CDH11: variants seen among roughly 807,000 people sequenced by gnomAD.
The protein encoded by CDH11 is cadherin-11.
A neutral mutation model predicts 67.8 loss-of-function variants in CDH11; 11 were observed. The ratio of observed to expected loss-of-function variants is 0.16; its 90% CI spans 0.10 to 0.27. The LOEUF (loss-of-function observed/expected upper bound fraction) is 0.27. CDH11 is among the 10% of genes least tolerant of loss of function. The pLI is 1.00. For synonymous variants in CDH11, 419 were observed against 400.0 expected, an observed-to-expected ratio of 1.05 and a Z score of -0.57; for missense variants, 847 against 1,031.2, an observed-to-expected ratio of 0.82 and a Z score of 2.45.
intron 1 of CDH11, among the ~76,000 whole-genome samples, chr16:65,113,570 G>C (rs754955771): frequency 5.3e-5 from 8 of 152,180 alleles, no homozygotes; most frequent in Non-Finnish European, 8.8e-5. Context: ...TGGTTAGACT[G>C]TCTGCAATAG....
rs200876078 is a variant in CDH11 at position 64,998,602 on chromosome 16, G to A, written c.483C>T (p.His161=). The A allele has an allele frequency of 1.0e-4, 167 of 1,614,076 alleles. No individual in the cohort carries two copies. Among genetic ancestry groups the A allele is most frequent in the South Asian group, 3.4e-4 (31 of 91,068 alleles). ...CAGGCACGTTGGCATGATAGGTCTC[G>A]TGCAGGAACTCCGGAGGGTTGTCAT... is the stretch of plus-strand genomic sequence containing the variant. ...DINDNPPEFL[H]ETYHANVPER... Residue 161 remains histidine (H), a synonymous_variant, in exon 4 of 13, where the codon CAC becomes CAT. Coordinates refer to ENST00000268603, the MANE Select transcript of CDH11 (RefSeq NM_001797.4).
intron 1 of CDH11, among the ~76,000 whole-genome samples, chr16:65,085,193 G>A (rs984340105): frequency 2.6e-5 from 4 of 152,194 alleles, no homozygotes; most frequent in Non-Finnish European, 4.4e-5. Context: ...TTACAGGCAT[G>A]AGCCACCACA....
At chr16:64,964,492 G>A (rs2071755969) in intron 11 of CDH11, among the ~76,000 whole-genome samples, 1 of 152,280 alleles carries the variant, frequency 6.6e-6, no homozygotes, top group East Asian at 1.9e-4. Context: ...CTGAGTGAGT[G>A]AATGTGAAGG....
At chr16:65,050,401 A>G (rs6498970) in intron 2 of CDH11, among the ~76,000 whole-genome samples, 137,009 of 152,184 alleles carry the variant, frequency 0.9, 61,749 homozygotes, top group East Asian at 1. Flanking sequence ...TTACCTGACC[A>G]TAAACTCCTT....
intron 2 of CDH11, among the ~76,000 whole-genome samples, chr16:65,047,853 G>T (rs1295700933): frequency 9.9e-5 from 15 of 152,042 alleles, no homozygotes; most frequent in Admixed American, 9.8e-4. Context: ...CCCTACTCAT[G>T]ATCAAGTCTA....
intron 8 of CDH11, among the ~76,000 whole-genome samples, chr16:64,980,698 C>A (rs938360088): frequency 2.6e-5 from 4 of 152,056 alleles, no homozygotes; most frequent in Admixed American, 6.6e-5. Context: ...CAACAGGGAA[C>A]CATTTAATCA....
At chr16:65,016,989 G>A (rs2073323665) in intron 2 of CDH11, among the ~76,000 whole-genome samples, 1 of 152,128 alleles carries the variant, frequency 6.6e-6, no homozygotes, top group Non-Finnish European at 1.5e-5. Context: ...TGGCACTGCT[G>A]GGAGTGTCTT....
At position 65,062,224 on chromosome 16, in the gene CDH11, C is replaced by G. The variant is rs1293212979; in HGVS notation, c.-297-8296G>C. Among the ~76,000 whole-genome samples the G allele has an allele frequency of 8.5e-5, 13 of 152,138 alleles. No homozygotes were observed. In the East Asian group the frequency reaches 1.7e-3, roughly 20 times the overall value. ...GCATGTAATAAAGAAAAACAAAGACCTTTAACCAGACACAAGGCCTGAGAC... is the reference window on the plus strand; with the variant it reads ...GCATGTAATAAAGAAAAACAAAGACGTTTAACCAGACACAAGGCCTGAGAC... On this transcript the variant is annotated intron_variant, in intron 1 of 12. Transcript: ENST00000268603.
At chr16:65,035,140 T>C (rs1363903826) in intron 2 of CDH11, among the ~76,000 whole-genome samples, 8 of 152,080 alleles carry the variant, frequency 5.3e-5, no homozygotes, top group African/African-American at 1.9e-4. Context: ...CTTGTTTCAG[T>C]GAGAGGCTCA....
chr16:65,108,122 C>G (rs1418576167), intron 1 of CDH11, among the ~76,000 whole-genome samples: 1 of 152,072 alleles, frequency 6.6e-6, no homozygotes, highest in Non-Finnish European at 1.5e-5. Context: ...TGTTGCTTTT[C>G]TGGCTTGCGA....
intron 1 of CDH11, among the ~76,000 whole-genome samples, chr16:65,061,959 A>C (rs574027295): frequency 6.6e-6 from 1 of 152,300 alleles, no homozygotes; most frequent in South Asian, 2.1e-4. Flanking sequence ...AGACGGAGTA[A>C]AGTTGCCCTC....
At chr16:64,980,426 G>C (rs2072301897) in intron 8 of CDH11, among the ~76,000 whole-genome samples, 1 of 152,140 alleles carries the variant, frequency 6.6e-6, no homozygotes, top group Non-Finnish European at 1.5e-5. Context: ...GAGGTAGGGA[G>C]GAGCAAGAGG....
At position 65,037,957 on chromosome 16, in the gene CDH11, A is replaced by T. The variant is rs116669738; in HGVS notation, c.-173+15847T>A. On this transcript the variant is annotated intron_variant, in intron 2 of 12. Transcript: ENST00000268603. ...GGGGAGAAAGCAAATGCACTCCAAA[A>T]CTGGCAGGGATGTATTTCAAGAAGT... is the stretch of plus-strand genomic sequence containing the variant. 6.5e-3 allele frequency among the ~76,000 whole-genome samples: 995 copies of T among 152,020 alleles called. 12 individuals are homozygous for T. Among genetic ancestry groups the T allele is most frequent in the African/African-American group, 0.022 (923 of 41,464 alleles).
At chr16:64,955,203 G>A (rs1304734361) in intron 11 of CDH11, among the ~76,000 whole-genome samples, 5 of 152,214 alleles carry the variant, frequency 3.3e-5, no homozygotes, top group South Asian at 2.1e-4. Flanking sequence ...CCGAGATCAC[G>A]CTACTGTACT....
intron 1 of CDH11, among the ~76,000 whole-genome samples, chr16:65,087,652 G>A (rs994074927): frequency 1.2e-4 from 18 of 152,236 alleles, no homozygotes; most frequent in East Asian, 7.7e-4. Flanking sequence ...TGATATTCTC[G>A]GGGCTGATCG....
intron 2 of CDH11, among the ~76,000 whole-genome samples, chr16:65,010,368 T>C (rs1271588220): frequency 6.6e-6 from 1 of 152,152 alleles, no homozygotes; most frequent in East Asian, 1.9e-4. Context: ...AGCACTGAGC[T>C]GGTCTCTCAT....
intron 7 of CDH11, chr16:64,983,283 A>T (rs1328515996): frequency 1.3e-5 from 2 of 152,210 alleles, no homozygotes; most frequent in African/African-American, 2.4e-5. Flanking sequence ...GGAAATTGAT[A>T]GTAAACACTG....
At chr16:65,007,418 A>T (rs978966903) in intron 2 of CDH11, among the ~76,000 whole-genome samples, 1 of 152,216 alleles carries the variant, frequency 6.6e-6, no homozygotes, top group Non-Finnish European at 1.5e-5. Flanking sequence ...TGGAAAAGGC[A>T]GCGTCATCAT....
chr16:65,087,347 T>C (rs2074718109), intron 1 of CDH11, among the ~76,000 whole-genome samples: 1 of 152,138 alleles, frequency 6.6e-6, no homozygotes, highest in Admixed American at 6.5e-5. Flanking sequence ...AAATGTTTGC[T>C]GCAATTCAGG....
Sources: allele counts gnomAD v4.1 joint callset (sites outside exome capture counted in the v4.1 genomes callset), GRCh38; gene constraint gnomAD v4.1.1; transcripts MANE v1.5; gene names NCBI Gene and HGNC (gene_info 2026-07-23, HGNC 2026-07-21).